NCMAP: variants seen among roughly 807,000 people sequenced by gnomAD.
NCMAP encodes noncompact myelin-associated protein.
In NCMAP, 8 loss-of-function variants were observed where a neutral mutation model predicts 7.8. The ratio of observed to expected loss-of-function variants is 1.02; its 90% CI spans 0.60 to 1.84. The LOEUF (loss-of-function observed/expected upper bound fraction) is 1.84. Ranked by LOEUF, NCMAP falls within the 40% of genes most tolerant of loss-of-function variation. NCMAP has a pLI of 0.00. For missense variants in NCMAP, 112 were observed against 131.4 expected (o/e 0.85, Z 0.72); for synonymous variants, 41 against 52.9 (o/e 0.78, Z 0.98).
intron 2 of NCMAP, among the ~76,000 whole-genome samples, chr1:24,599,355 T>C (rs977045130): frequency 2.6e-5 from 4 of 151,376 alleles, no homozygotes; most frequent in Admixed American, 2.6e-4. Flanking sequence ...ATATTGAAAT[T>C]AGAGTCTAAG....
At chr1:24,602,364 C>T (rs1391247691) in intron 3 of NCMAP, among the ~76,000 whole-genome samples, 7 of 148,800 alleles carry the variant, frequency 4.7e-5, no homozygotes, top group Non-Finnish European at 1.0e-4. Flanking sequence ...GGGCGGATCA[C>T]GAGGTCAGGA....
At chr1:24,568,810 CA>C (rs572932694) in intron 1 of NCMAP, among the ~76,000 whole-genome samples, 59 of 152,148 alleles carry the variant, frequency 3.9e-4, no homozygotes, top group African/African-American at 1.3e-3. Context: ...TTATTAGAGA[CA>C]GGGGTCTCGA....
chr1:24,577,373 T>C (rs866142456), intron 1 of NCMAP, among the ~76,000 whole-genome samples: 32 of 147,578 alleles, frequency 2.2e-4, no homozygotes, highest in African/African-American at 6.5e-4. Flanking sequence ...ATTCAGATTT[T>C]TGGAGTTTCT....
chr1:24,588,410 G>A (rs530568929), intron 1 of NCMAP, among the ~76,000 whole-genome samples: 3 of 152,256 alleles, frequency 2.0e-5, no homozygotes, highest in African/African-American at 4.8e-5. Flanking sequence ...GAGGGCTTTC[G>A]TGGGTTACCT....
chr1:24,603,612 C>G (rs887937248), intron 3 of NCMAP, among the ~76,000 whole-genome samples: 3 of 152,148 alleles, frequency 2.0e-5, no homozygotes, highest in Non-Finnish European at 2.9e-5. Context: ...ATTTAACCTC[C>G]TCCTGCCTGT....
intron 1 of NCMAP, among the ~76,000 whole-genome samples, chr1:24,590,601 T>G (rs557947777): frequency 1.3e-5 from 2 of 152,230 alleles, no homozygotes; most frequent in East Asian, 3.9e-4. Flanking sequence ...AAAATTTTAT[T>G]ATATTTATTT....
intron 1 of NCMAP, among the ~76,000 whole-genome samples, chr1:24,581,127 T>C (rs1651730895): frequency 2.0e-5 from 3 of 151,758 alleles, no homozygotes; most frequent in Admixed American, 2.0e-4. Context: ...TTCTGCTTTT[T>C]TTTTTTTTGA....
chr1:24,600,604 C>A (rs1240133701), intron 2 of NCMAP, among the ~76,000 whole-genome samples: 1 of 152,230 alleles, frequency 6.6e-6, no homozygotes, highest in Admixed American at 6.5e-5. Context: ...AAATCACATG[C>A]TACTTTTGCA....
Position 24,585,467 on chromosome 1 carries a change from A to G in NCMAP, c.-7-9957A>G, listed in dbSNP as rs563821856. ...CCCTCTCCTCACATCCCCTGAGTCC[A>G]TATCTACAAAGAAGAATAAGCTTTT... On this transcript the variant is annotated intron_variant, in intron 1 of 3. Coordinates refer to ENST00000374392, the MANE Select transcript of NCMAP (RefSeq NM_001010980.5). Among the ~76,000 whole-genome samples, 6 of 152,260 alleles carry G rather than the reference A, an allele frequency of 3.9e-5. No individual in the cohort carries two copies. In the South Asian group the frequency reaches 1.0e-3, roughly 26 times the overall value.
intron 1 of NCMAP, among the ~76,000 whole-genome samples, chr1:24,587,244 C>T (rs113900553): frequency 2.4e-4 from 37 of 152,268 alleles, no homozygotes; most frequent in African/African-American, 8.7e-4. Context: ...CACCATCACC[C>T]GAAGGCTTGT....
chr1:24,607,428 TCTTTA>T lies in NCMAP; in HGVS notation c.*1685_*1689del, dbSNP rs1409045739. The stretch of plus-strand genomic sequence containing the variant: ...ATGGGTTCATTAATATAATTGTAGT[TCTTTA>T]CTTCCTCTCAAAAACTTGTGATCTT... On this transcript the variant is annotated 3_prime_UTR_variant, in exon 4 of 4. Transcript: ENST00000374392. 3 of 152,200 alleles carry T rather than the reference TCTTTA, an allele frequency of 2.0e-5. No individual in the cohort carries two copies. Among genetic ancestry groups the T allele is most frequent in the Non-Finnish European group, 4.4e-5 (3 of 68,040 alleles). The allele number at this position is 152,200 out of a possible 1,614,324, so 9.4% of individuals were successfully genotyped here.
At chr1:24,604,706 G>T (rs1483823998) in intron 3 of NCMAP, among the ~76,000 whole-genome samples, 1 of 126,328 alleles carries the variant, frequency 7.9e-6, no homozygotes, top group African/African-American at 3.0e-5. Context: ...TGTTGGCCAG[G>T]CATAGTGGCA....
At chr1:24,597,295 TG>T (rs1226453028) in intron 2 of NCMAP, among the ~76,000 whole-genome samples, 1 of 151,732 alleles carries the variant, frequency 6.6e-6, no homozygotes, top group Non-Finnish European at 1.5e-5. Flanking sequence ...TACCTGAGGT[TG>T]GGAGTTTGAG....
chr1:24,575,796 T>C (rs1379425560), intron 1 of NCMAP, among the ~76,000 whole-genome samples: 1 of 150,268 alleles, frequency 6.7e-6, no homozygotes, highest in Non-Finnish European at 1.5e-5. Context: ...AAATACAAAA[T>C]TAGCCGGGCG....
At position 24,607,454 on chromosome 1, in the gene NCMAP, A is replaced by G. The variant is rs1312843156; in HGVS notation, c.*1707A>G. 6.6e-6 allele frequency: 1 copy of G among 151,656 alleles called. No homozygotes were observed. The highest frequency in any genetic ancestry group is 2.4e-5 in the African/African-American group (1 of 41,384). The allele number at this position is 151,656 out of a possible 1,614,324, so 9.4% of individuals were successfully genotyped here. ...CTTTACTTCCTCTCAAAAACTTGTG[A>G]TCTTATAATTGATGGCATCTTGGAA... On this transcript the variant is annotated 3_prime_UTR_variant, in exon 4 of 4. Coordinates refer to ENST00000374392, the MANE Select transcript of NCMAP (RefSeq NM_001010980.5).
intron 1 of NCMAP, among the ~76,000 whole-genome samples, chr1:24,573,252 G>A (rs187008255): frequency 1.3e-5 from 2 of 150,940 alleles, no homozygotes; most frequent in East Asian, 1.9e-4. Flanking sequence ...GCTTAGCTCT[G>A]TAGTGGGCAA....
intron 3 of NCMAP, 124 bp downstream of exon 3, chr1:24,601,148 TCTAACC>T: frequency 1.3e-6 from 1 of 740,924 alleles, no homozygotes; most frequent in South Asian, 1.6e-5. Flanking sequence ...TAGTAAATGC[TCTAACC>T]CTTGGGGATC....
Position 24,576,583 on chromosome 1 carries a change from G to A in NCMAP, c.-7-18841G>A, listed in dbSNP as rs1054798663. 1.5e-4 allele frequency among the ~76,000 whole-genome samples: 23 copies of A among 152,162 alleles called. No homozygotes were observed. Among genetic ancestry groups the A allele is most frequent in the African/African-American group, 5.3e-4 (22 of 41,440 alleles). ...CTGGAAGAGTCACAAGGAGGAAGGG[G>A]CCAGAGAGGGAGGTCCCTGGTCCCC... On this transcript the variant is annotated intron_variant, in intron 1 of 3. Coordinates refer to ENST00000374392, the MANE Select transcript of NCMAP (RefSeq NM_001010980.5). This position sits in a 1 kb window ranked among gnomAD's most constrained non-coding sequence, Gnocchi z 4.0.
intron 1 of NCMAP, among the ~76,000 whole-genome samples, chr1:24,558,942 C>T (rs972653312): frequency 2.6e-5 from 4 of 151,414 alleles, no homozygotes; most frequent in African/African-American, 7.3e-5. Flanking sequence ...TTTTAAGTTG[C>T]CCAATAAACT....
Sources: allele counts gnomAD v4.1 joint callset (sites outside exome capture counted in the v4.1 genomes callset), GRCh38; gene constraint gnomAD v4.1.1; non-coding constraint Gnocchi (gnomAD v3.1); transcripts MANE v1.5; gene names NCBI Gene and HGNC (gene_info 2026-07-23, HGNC 2026-07-21).